The following NAV2 variants were observed in gnomAD, a reference collection of about 807,000 sequenced individuals.
NAV2 encodes neuron navigator 2.
A neutral mutation model predicts 223.2 loss-of-function variants in NAV2; 54 were observed. The observed-to-expected ratio is 0.24, with a 90% CI of 0.19 to 0.30. NAV2 has a LOEUF of 0.30. Among genes scored for constraint, NAV2 ranks in the 10% least tolerant of loss-of-function variants. The pLI is 1.00. For synonymous variants in NAV2, 1,279 were observed against 1,239.3 expected, an observed-to-expected ratio of 1.03 and a Z score of -0.67; for missense variants, 2,806 against 3,147.5, an observed-to-expected ratio of 0.89 and a Z score of 2.60.
At chr11:19,945,163 T>TC (rs1565615057) in intron 8 of NAV2, among the ~76,000 whole-genome samples, 2 of 15,692 alleles carry the variant, frequency 1.3e-4, no homozygotes, top group Non-Finnish European at 3.1e-4. Flanking sequence ...CTCCCTTCCC[T>TC]TCCCTTCCCT....
intron 10 of NAV2, among the ~76,000 whole-genome samples, chr11:19,957,470 C>T (rs570223856): frequency 6.6e-6 from 1 of 152,286 alleles, no homozygotes; most frequent in African/African-American, 2.4e-5. Flanking sequence ...GCTTTCCCTG[C>T]ATGGTTGTGA....
At chr11:19,417,211 A>G in intron 1 of NAV2, among the ~76,000 whole-genome samples, 1 of 152,232 alleles carries the variant, frequency 6.6e-6, no homozygotes, top group East Asian at 1.9e-4. Context: ...ACAAAGGGCT[A>G]GTGTCCAGAA....
At chr11:20,017,802 A>G (rs939581896) in intron 11 of NAV2, among the ~76,000 whole-genome samples, 15 of 152,104 alleles carry the variant, frequency 9.9e-5, no homozygotes, top group Admixed American at 2.6e-4. Context: ...TCTCCTTCCC[A>G]CTGCCTGTTG....
At chr11:19,740,942 C>T (rs2052744860) in intron 1 of NAV2, among the ~76,000 whole-genome samples, 1 of 152,198 alleles carries the variant, frequency 6.6e-6, no homozygotes, top group Admixed American at 6.5e-5. Flanking sequence ...CTCCTAACCT[C>T]TTCTTCCTGC....
chr11:19,352,723 TA>T (rs1853395758), intron 1 of NAV2, among the ~76,000 whole-genome samples: 1 of 152,170 alleles, frequency 6.6e-6, no homozygotes, highest in Non-Finnish European at 1.5e-5. Context: ...CTTAACAGAG[TA>T]TTACATTTCA....
rs779966818 is a variant in NAV2, at chr11:20,114,603, G to C, written c.6972G>C (p.Arg2324Ser). 2 of 1,613,968 alleles carry C rather than the reference G, an allele frequency of 1.2e-6. No individual in the cohort carries two copies. The highest frequency in any genetic ancestry group is 1.3e-5 in the African/African-American group (1 of 74,930). ...AVREGLQLYGRRAPWEDPAKW... is the reference protein window; with the variant it reads ...AVREGLQLYGSRAPWEDPAKW... The stretch of plus-strand genomic sequence containing the variant: ...TTGCCTGTTTTCAGCTCTATGGAAG[G>C]CGCGCCCCCTGGGAGGATCCTGCCA... Residue 2324 changes from arginine (R) to serine (S), a missense_variant, in exon 37 of 38, where the codon AGG becomes AGC. By Grantham distance (110) the Arg-to-Ser change is moderately radical (BLOSUM62 -1). Coordinates refer to ENST00000349880, the MANE Select transcript of NAV2 (RefSeq NM_145117.5).
intron 24 of NAV2, among the ~76,000 whole-genome samples, chr11:20,078,952 G>T (rs913502960): frequency 6.6e-6 from 1 of 152,178 alleles, no homozygotes; most frequent in Non-Finnish European, 1.5e-5. Flanking sequence ...TTCATTATCT[G>T]GTTTTCTTTC....
At chr11:19,993,276 C>G (rs534339706) in intron 11 of NAV2, among the ~76,000 whole-genome samples, 1 of 152,202 alleles carries the variant, frequency 6.6e-6, no homozygotes, top group Non-Finnish European at 1.5e-5. Context: ...ACATCATTCT[C>G]ACTCTGGGAT....
chr11:20,036,179 T>A, intron 12 of NAV2, 82 bp downstream of exon 12: 2 of 1,528,822 alleles, frequency 1.3e-6, no homozygotes, highest in Non-Finnish European at 1.8e-6. Context: ...AGAGGGCCAT[T>A]TGGGGCAACC....
At chr11:19,394,814 G>C (rs188076444) in intron 1 of NAV2, among the ~76,000 whole-genome samples, 1 of 152,136 alleles carries the variant, frequency 6.6e-6, no homozygotes, top group Non-Finnish European at 1.5e-5. Flanking sequence ...CAAATGTGGC[G>C]GGGATTGAGG....
rs1564918029 is a variant in NAV2 at position 20,045,453 on chromosome 11, A to G, written c.3685A>G (p.Lys1229Glu). ...CAAGTCCGCAGGCCTGCCAGTGCCC[A>G]AACTGAGGGAGCCTTCCAAAACAGC... is the stretch of plus-strand genomic sequence containing the variant. ...SSKSAGLPVP[K>E]LREPSKTALG... Residue 1229 changes from lysine to glutamate, a missense_variant, in exon 14 of 38, where the codon AAA becomes GAA. Transcript: ENST00000349880. 2 of 1,614,220 alleles carry G rather than the reference A, an allele frequency of 1.2e-6. No homozygotes were observed. Among genetic ancestry groups the G allele is most frequent in the Non-Finnish European group, 1.7e-6 (2 of 1,180,030 alleles).
Position 20,114,762 on chromosome 11 carries a change from G to T in NAV2, c.7131G>T (p.Gln2377His). Residue 2377 changes from glutamine to histidine, a missense_variant, in exon 37 of 38, where the codon CAG (glutamine) becomes CAT (histidine). Coordinates refer to ENST00000349880, the MANE Select transcript of NAV2 (RefSeq NM_145117.5). Reference sequence around the variant, plus strand: ...CTCGGGAGGGATCGACAAGCAAGCAGATGCCCCCCAGTGATGCTGAAGGTG... The same window carrying T: ...CTCGGGAGGGATCGACAAGCAAGCATATGCCCCCCAGTGATGCTGAAGGTG... ...SMPREGSTSKQMPPSDAEGDP... is the reference protein window; with the variant it reads ...SMPREGSTSKHMPPSDAEGDP... The T allele has an allele frequency of 1.2e-6, 2 of 1,614,004 alleles. No individual in the cohort carries two copies. The highest frequency in any genetic ancestry group is 1.7e-6 in the Non-Finnish European group (2 of 1,179,976).
chr11:19,437,708 G>GA (rs11399913), intron 1 of NAV2, among the ~76,000 whole-genome samples: 42,202 of 151,712 alleles, frequency 0.28, 6,157 homozygotes, highest in East Asian at 0.55. Flanking sequence ...GTGCCACTCA[G>GA]AAAAAAAAGT....
At chr11:19,503,100 A>G (rs2043010686) in intron 1 of NAV2, 1 of 151,992 alleles carries the variant, frequency 6.6e-6, no homozygotes, top group African/African-American at 2.4e-5. Context: ...TCTTGATTAA[A>G]TTGATTAAAT....
intron 11 of NAV2, among the ~76,000 whole-genome samples, chr11:20,030,943 A>T (rs1216515145): frequency 2.6e-5 from 4 of 152,220 alleles, no homozygotes; most frequent in Non-Finnish European, 5.9e-5. Context: ...ACAAAGCCTT[A>T]ATCTTAATAT....
intron 1 of NAV2, among the ~76,000 whole-genome samples, chr11:19,494,926 G>A (rs1282637254): frequency 1.3e-5 from 2 of 152,210 alleles, no homozygotes; most frequent in Non-Finnish European, 2.9e-5. Context: ...TAGGACTAGG[G>A]CAACTCATTC....
chr11:19,855,583 G>A (rs2625311), intron 3 of NAV2, among the ~76,000 whole-genome samples: 48,490 of 151,968 alleles, frequency 0.32, 7,866 homozygotes, highest in East Asian at 0.47. Flanking sequence ...GTGTCGTCTC[G>A]TATACTTTCC....
intron 1 of NAV2, among the ~76,000 whole-genome samples, chr11:19,594,249 C>T (rs1340192044): frequency 1.3e-5 from 2 of 152,014 alleles, no homozygotes; most frequent in Non-Finnish European, 2.9e-5. Flanking sequence ...GGTCATCGGC[C>T]CATTTACCAG....
chr11:19,869,095 T>G, intron 4 of NAV2, 98 bp downstream of exon 4: 1 of 1,196,236 alleles, frequency 8.4e-7, no homozygotes, highest in African/African-American at 1.5e-5. Flanking sequence ...CAAGGGATGC[T>G]TGTGGGCTCC....
Sources: gnomAD v4.1 joint callset for allele counts (sites outside exome capture counted in the v4.1 genomes callset) on GRCh38, gnomAD v4.1.1 for gene constraint, MANE v1.5 for transcripts, NCBI Gene and HGNC (gene_info 2026-07-23, HGNC 2026-07-21) for gene names.